EXD3: variants seen among roughly 807,000 people sequenced by gnomAD.
EXD3 encodes the protein exonuclease 3'-5' domain containing 3.
EXD3 carries 92 observed loss-of-function variants against 98.0 expected under a neutral mutation model. The ratio of observed to expected loss-of-function variants is 0.94; its 90% CI spans 0.79 to 1.12. The LOEUF is 1.12. EXD3 is among the 50% of genes most tolerant of loss of function. The pLI, the probability that EXD3 is intolerant of heterozygous loss-of-function variation, is 0.00. For missense variants in EXD3, 1,222 were observed against 1,191.6 expected, an observed-to-expected ratio of 1.03 and a Z score of -0.38; for synonymous variants, 569 against 526.0, an observed-to-expected ratio of 1.08 and a Z score of -1.12.
At chr9:137,322,099 C>T (rs1413977160) in intron 19 of EXD3, among the ~76,000 whole-genome samples, 1 of 152,204 alleles carries the variant, frequency 6.6e-6, no homozygotes, top group African/African-American at 2.4e-5. Context: ...AGTTCCCACT[C>T]AGGGCTTCTG....
intron 1 of EXD3, among the ~76,000 whole-genome samples, chr9:137,399,291 T>C (rs997431063): frequency 1.2e-4 from 18 of 152,220 alleles, no homozygotes; most frequent in African/African-American, 4.3e-4. Flanking sequence ...GGACATGGTG[T>C]GGTCCCCTGG....
At position 137,351,513 on chromosome 9, in the gene EXD3, C is replaced by A. The variant is rs775434946; in HGVS notation, c.1189G>T (p.Gly397Cys). Reference sequence around the variant, plus strand: ...ACAGGTGTCCACTCCACGTCTACACCAACCACTTGGTGGCACTGCGGGCAG... The same window carrying A: ...ACAGGTGTCCACTCCACGTCTACACAAACCACTTGGTGGCACTGCGGGCAG... The part of the protein sequence containing the change: ...GALLQCHQVV[G>C]VDVEWTPVFV... The change falls in exon 13 of 22, where the codon GGT (glycine) becomes TGT (cysteine). Residue 397 changes from glycine to cysteine, a missense_variant. Transcript: ENST00000340951. 2 of 1,591,148 alleles carry A rather than the reference C, an allele frequency of 1.3e-6. No individual in the cohort carries two copies. The highest frequency in any genetic ancestry group is 2.3e-5 in the East Asian group (1 of 43,494).
intron 2 of EXD3, among the ~76,000 whole-genome samples, chr9:137,383,709 C>T (rs1483369144): frequency 2.6e-5 from 4 of 152,244 alleles, no homozygotes; most frequent in Non-Finnish European, 1.5e-5. Flanking sequence ...CTACCTGCTC[C>T]GCCTGGCGCC....
intron 19 of EXD3, among the ~76,000 whole-genome samples, chr9:137,320,907 C>T (rs1042506477): frequency 2.0e-5 from 3 of 152,246 alleles, no homozygotes; most frequent in Admixed American, 2.0e-4. Context: ...ACAGCGCTTG[C>T]TGGCCTGAGC....
intron 1 of EXD3, among the ~76,000 whole-genome samples, chr9:137,398,529 C>A (rs1169729591): frequency 4.0e-5 from 6 of 150,072 alleles, no homozygotes; most frequent in Admixed American, 3.9e-4. Flanking sequence ...GTCCCCAAGA[C>A]ACACAGGCAA....
chr9:137,328,202 T>C (rs556897257), intron 17 of EXD3, among the ~76,000 whole-genome samples: 247 of 150,462 alleles, frequency 1.6e-3, no homozygotes, highest in Admixed American at 0.015. Flanking sequence ...AAACAATTAA[T>C]ATACTCCCAT....
At chr9:137,369,781 A>T (rs1835496484) in intron 5 of EXD3, among the ~76,000 whole-genome samples, 1 of 152,134 alleles carries the variant, frequency 6.6e-6, no homozygotes, top group Non-Finnish European at 1.5e-5. Flanking sequence ...TGTGTCCCGC[A>T]CGCTGCGACC....
intron 17 of EXD3, among the ~76,000 whole-genome samples, chr9:137,345,576 C>T (rs889617100): frequency 3.3e-5 from 5 of 151,396 alleles, no homozygotes; most frequent in South Asian, 2.1e-4. Flanking sequence ...ACAGGAGAAT[C>T]GCTTGAACCC....
At chr9:137,410,638 A>G (rs1319570798) in intron 1 of EXD3, among the ~76,000 whole-genome samples, 2 of 150,374 alleles carry the variant, frequency 1.3e-5, no homozygotes, top group East Asian at 4.0e-4. Flanking sequence ...CCCTGGCCCC[A>G]CGATCCACAC....
At chr9:137,319,897 C>T (rs1316007126) in intron 19 of EXD3, among the ~76,000 whole-genome samples, 1 of 152,216 alleles carries the variant, frequency 6.6e-6, no homozygotes, top group Non-Finnish European at 1.5e-5. Flanking sequence ...CCAAGGGCAT[C>T]CTGCTAGGGC....
intron 1 of EXD3, among the ~76,000 whole-genome samples, chr9:137,396,931 C>T (rs1358723838): frequency 6.6e-6 from 1 of 152,252 alleles, no homozygotes; most frequent in Admixed American, 6.5e-5. Flanking sequence ...ACAGCTGCTC[C>T]CCACGCTGGA....
intron 1 of EXD3, among the ~76,000 whole-genome samples, chr9:137,400,702 T>C (rs1588425791): frequency 6.6e-6 from 1 of 151,212 alleles, no homozygotes; most frequent in African/African-American, 2.4e-5. Context: ...GAGGTGGAGG[T>C]TGCAATGAGC....
chr9:137,395,056 G>A lies in EXD3; in HGVS notation c.55+247C>T, dbSNP rs1007373276. 7.9e-5 allele frequency among the ~76,000 whole-genome samples: 12 copies of A among 151,916 alleles called. No individual in the cohort carries two copies. The highest frequency in any genetic ancestry group is 1.3e-4 in the Admixed American group (2 of 15,260). On this transcript the variant is annotated intron_variant, in intron 2 of 21. Transcript: ENST00000340951. The surrounding 1 kb of genome is among the most constrained non-coding windows in gnomAD (Gnocchi z 6.5). ...CCCCGGATCCTGTCACAGGCCCGGC[G>A]CCAGGCCACCCACGCTGGGGCCCAA...
In EXD3 at chr9:137,371,230, C is replaced by T. The variant is rs1201521912; in HGVS notation, c.462+1675G>A. Among the ~76,000 whole-genome samples the T allele has an allele frequency of 4.6e-5, 7 of 152,232 alleles. No individual in the cohort carries two copies. The highest frequency in any genetic ancestry group is 1.3e-4 in the Admixed American group (2 of 15,294). On this transcript the variant is annotated intron_variant, in intron 5 of 21. Coordinates refer to ENST00000340951, the MANE Select transcript of EXD3 (RefSeq NM_017820.5). This position sits in a 1 kb window ranked among gnomAD's most constrained non-coding sequence, Gnocchi z 8.0. ...CTGCCTTCTGCCTCCCTGCACTCTC[C>T]GCAGGCACGGCCGCCATTCAGCGTC...
intron 19 of EXD3, among the ~76,000 whole-genome samples, chr9:137,320,793 C>T (rs933905126): frequency 6.6e-6 from 1 of 152,312 alleles, no homozygotes; most frequent in African/African-American, 2.4e-5. Context: ...CAGGGGTTTC[C>T]TCCCAGCTAC....
chr9:137,390,339 G>A (rs1373903178), intron 2 of EXD3, among the ~76,000 whole-genome samples: 16 of 151,034 alleles, frequency 1.1e-4, no homozygotes, highest in African/African-American at 3.2e-4. Context: ...GGCTGAGGCA[G>A]GAGAATGGCG....
intron 16 of EXD3, among the ~76,000 whole-genome samples, chr9:137,348,473 C>T (rs4078070): frequency 0.25 from 7,564 of 30,140 alleles, 311 homozygotes; most frequent in East Asian, 0.35. Context: ...TCTGGGGTGG[C>T]GTGTGTGCCC....
chr9:137,320,192 G>T (rs1020834029), intron 19 of EXD3, among the ~76,000 whole-genome samples: 1 of 152,232 alleles, frequency 6.6e-6, no homozygotes, highest in South Asian at 2.1e-4. Flanking sequence ...CGGGCAGTCC[G>T]TGGGGCCAAG....
Position 137,349,175 on chromosome 9 carries a change from C to A in EXD3, c.1765G>T (p.Glu589Ter). The change falls in exon 16 of 22, where the codon GAG becomes TAG. Residue 589 changes from glutamate to a stop codon, truncating the protein, a stop_gained. Coordinates refer to ENST00000340951, the MANE Select transcript of EXD3 (RefSeq NM_017820.5). LOFTEE classifies it high-confidence loss of function. This position sits in a 1 kb window ranked among gnomAD's most constrained non-coding sequence, Gnocchi z 7.4. The stretch of plus-strand genomic sequence containing the variant: ...GGTGGCTTCCGTGCCCCTGGTCTCT[C>A]TCTGTGCCTGGGCCTCCGGCTCCCA... ...LAGSRRPRHR[E>*]RPGARKPPGL... 1 of 1,594,064 alleles carries A rather than the reference C, an allele frequency of 6.3e-7. No individual in the cohort carries two copies. The highest frequency in any genetic ancestry group is 2.2e-5 in the East Asian group (1 of 44,518).
Sources: allele counts gnomAD v4.1 joint callset (sites outside exome capture counted in the v4.1 genomes callset), GRCh38; gene constraint gnomAD v4.1.1; non-coding constraint Gnocchi (gnomAD v3.1); transcripts MANE v1.5; gene names NCBI Gene and HGNC (gene_info 2026-07-23, HGNC 2026-07-21).